NUMA1: variants seen among roughly 807,000 people sequenced by gnomAD.
NUMA1 encodes the protein SP-H antigen.
NUMA1 carries 62 observed loss-of-function variants against 237.1 expected under a neutral mutation model. The observed-to-expected ratio is 0.26, with a 90% CI of 0.21 to 0.32. NUMA1 has a LOEUF of 0.32. Ranked by LOEUF, NUMA1 falls within the 10% of genes least tolerant of loss-of-function variation. The pLI, the probability that NUMA1 is intolerant of heterozygous loss-of-function variation, is 1.00. For missense variants in NUMA1, 2,533 were observed against 2,666.5 expected (o/e 0.95, Z 1.10); for synonymous variants, 1,028 against 1,066.1 (o/e 0.96, Z 0.70).
At chr11:72,079,106 G>T (rs1012801653) in intron 1 of NUMA1, among the ~76,000 whole-genome samples, 1 of 152,156 alleles carries the variant, frequency 6.6e-6, no homozygotes, top group African/African-American at 2.4e-5. Flanking sequence ...CGAAATTCCT[G>T]TGCCCTTTCA....
chr11:72,024,529 A>G, intron 4 of NUMA1, 176 bp from the exon 5 acceptor site: 2 of 609,736 alleles, frequency 3.3e-6, no homozygotes, highest in Non-Finnish European at 5.8e-6. Flanking sequence ...ATCCAGATGG[A>G]ACTGTGTGGT....
Position 72,016,794 on chromosome 11 carries a change from T to C in NUMA1, c.1120-264A>G, listed in dbSNP as rs2298789. On this transcript the variant is annotated intron_variant, in intron 13 of 26. Transcript: ENST00000393695. ...CTGCTGAGTTTACTTCAAATTTCCT[T>C]ACCGTATACCCTTCCTCAGATAAGT... 8.4e-5 allele frequency: 36 copies of C among 429,334 alleles called. 1 individual carries two copies. The East Asian group carries it at 1.6e-3, about 19-fold the overall frequency. 26.6% of individuals were successfully genotyped at this position (429,334 alleles called of 1,614,324 possible).
intron 2 of NUMA1, among the ~76,000 whole-genome samples, chr11:72,045,241 T>C (rs1206060365): frequency 1.3e-5 from 2 of 151,686 alleles, no homozygotes; most frequent in African/African-American, 2.4e-5. Flanking sequence ...TGGTGGGTGG[T>C]TGGGATGAGG....
At chr11:72,004,917 CG>C (rs1203956364) in intron 23 of NUMA1, 101 bp from the exon 24 acceptor site, 1 of 1,194,480 alleles carries the variant, frequency 8.4e-7, no homozygotes, top group Non-Finnish European at 1.1e-6. Context: ...CACTTATGGT[CG>C]GGACCCTTCC....
intron 4 of NUMA1, among the ~76,000 whole-genome samples, chr11:72,028,439 G>A (rs1463926743): frequency 1.0e-5 from 1 of 97,658 alleles, no homozygotes; most frequent in East Asian, 3.2e-4. Context: ...ACAATCTAAT[G>A]TGCTTTTTCT....
At chr11:72,027,547 A>G (rs868353337) in intron 4 of NUMA1, among the ~76,000 whole-genome samples, 2 of 57,172 alleles carry the variant, frequency 3.5e-5, no homozygotes, top group Non-Finnish European at 9.5e-5. Flanking sequence ...AAGGATTTCT[A>G]TAAGATTAAA....
At chr11:72,054,468 CA>C (rs951277865) in intron 2 of NUMA1, among the ~76,000 whole-genome samples, 1,329 of 122,594 alleles carry the variant, frequency 0.011, 19 homozygotes, top group African/African-American at 0.031. Flanking sequence ...AACTCCATCT[CA>C]AAAAAAAAAA....
Position 72,019,509 on chromosome 11 carries a change from G to A in NUMA1, c.569C>T (p.Ser190Phe), listed in dbSNP as rs370357335. The A allele has an allele frequency of 3.1e-6, 5 of 1,613,576 alleles. No individual in the cohort carries two copies. Among genetic ancestry groups the A allele is most frequent in the African/African-American group, 1.3e-5 (1 of 75,058 alleles). ...RFLELQKVAS[S>F]SSGNNFLSGS... ...CAGAACATACTTGTTCCCACTGGAA[G>A]AGGAGGCAACCTTCTGTAGCTCTAG... The change falls in exon 9 of 27, where the codon TCT (serine) becomes TTT (phenylalanine). Residue 190 changes from serine to phenylalanine, a missense_variant. This residue lies in a region of NUMA1 where 1,414 missense variants were observed against 1,508.1 expected (regional missense o/e 0.94). Transcript: ENST00000393695.
chr11:72,049,560 AATATAT>A (rs1555034472), intron 2 of NUMA1: 1 of 41,016 alleles, frequency 2.4e-5, no homozygotes, highest in African/African-American at 8.4e-5. Flanking sequence ...AAATAATAAT[AATATAT>A]ATATATATAT....
At chr11:72,075,183 T>C (rs574122951) in intron 1 of NUMA1, among the ~76,000 whole-genome samples, 34 of 152,274 alleles carry the variant, frequency 2.2e-4, no homozygotes, top group African/African-American at 7.7e-4. Context: ...TGCCAGCTAT[T>C]AAGGTATTGT....
chr11:72,012,521 A>G, intron 15 of NUMA1, 79 bp from the exon 16 acceptor site: 1 of 1,357,222 alleles, frequency 7.4e-7, no homozygotes, highest in Non-Finnish European at 1.0e-6. Flanking sequence ...GGCTGACCTC[A>G]CTGAGGCTCT....
rs1207584758 is a variant in NUMA1, at chr11:72,016,031, G to A, written c.1472C>T (p.Ala491Val). Residue 491 changes from alanine to valine, a missense_variant, in exon 15 of 27, where the codon GCT becomes GTT. By Grantham distance (64) the Ala-to-Val change is moderately conservative. Coordinates refer to ENST00000393695, the MANE Select transcript of NUMA1 (RefSeq NM_006185.4). Reference protein sequence around the residue: ...AKEELEQASQAHGARLTAQVA... With the variant: ...AKEELEQASQVHGARLTAQVA... ...CTGGGCAGTCAACCGGGCCCCATGA[G>A]CCTGGGAGGCCTGCTCCAGCTCTTC... The A allele has an allele frequency of 1.9e-6, 3 of 1,613,872 alleles. No homozygotes were observed. Among genetic ancestry groups the A allele is most frequent in the Admixed American group, 1.7e-5 (1 of 59,992 alleles).
intron 15 of NUMA1, 88 bp downstream of exon 15, chr11:72,012,807 G>A: frequency 3.9e-6 from 6 of 1,522,328 alleles, no homozygotes; most frequent in Non-Finnish European, 5.3e-6. Flanking sequence ...CTCCAGTGTA[G>A]GAGCTAGAGG....
intron 1 of NUMA1, among the ~76,000 whole-genome samples, chr11:72,073,590 T>A (rs1943566906): frequency 6.6e-6 from 1 of 152,180 alleles, no homozygotes; most frequent in Non-Finnish European, 1.5e-5. Context: ...GAAAACTTTT[T>A]TCAAATATAC....
intron 2 of NUMA1, among the ~76,000 whole-genome samples, chr11:72,045,780 C>G (rs565798828): frequency 6.6e-6 from 1 of 152,220 alleles, no homozygotes; most frequent in East Asian, 1.9e-4. Context: ...ACAGGCCTGG[C>G]CAAACTTAAT....
At chr11:72,075,085 C>CA (rs1278791673) in intron 1 of NUMA1, among the ~76,000 whole-genome samples, 3 of 148,646 alleles carry the variant, frequency 2.0e-5, no homozygotes, top group Non-Finnish European at 4.4e-5. Flanking sequence ...ATATACAATA[C>CA]AAAAAACAGA....
intron 8 of NUMA1, 71 bp downstream of exon 8, chr11:72,021,133 T>G (rs553890551): frequency 3.1e-6 from 4 of 1,276,360 alleles, no homozygotes; most frequent in Non-Finnish European, 3.4e-6. Context: ...CCCACCATAC[T>G]TGACAACTCA....
intron 2 of NUMA1, among the ~76,000 whole-genome samples, chr11:72,060,683 A>G (rs1223772187): frequency 6.6e-6 from 1 of 152,188 alleles, no homozygotes; most frequent in Non-Finnish European, 1.5e-5. Context: ...ACAAGAGTTA[A>G]AAACTAAAGA....
Position 72,013,138 on chromosome 11 carries a change from A to C in NUMA1, c.4365T>G (p.Gly1455=), listed in dbSNP as rs1590894575. 6.2e-7 allele frequency: 1 copy of C among 1,613,968 alleles called. No individual in the cohort carries two copies. The highest frequency in any genetic ancestry group is 1.1e-5 in the South Asian group (1 of 91,078). ...ACTGCCGGCCAAGGTTGGCCCGCTC[A>C]CCCAGCCCCCGGTTCTCCTCTGCCA... is the stretch of plus-strand genomic sequence containing the variant. ...GLLAEENRGL[G]ERANLGRQFL... Residue 1455 remains glycine (G), a synonymous_variant, in exon 15 of 27, where the codon GGT becomes GGG. Coordinates refer to ENST00000393695, the MANE Select transcript of NUMA1 (RefSeq NM_006185.4). The surrounding 1 kb of genome is among the most constrained non-coding windows in gnomAD (Gnocchi z 6.8).
Sources: gnomAD v4.1 joint callset for allele counts (sites outside exome capture counted in the v4.1 genomes callset) on GRCh38, gnomAD v4.1.1 for gene constraint, gnomAD v4.1.1 regional missense constraint, Gnocchi (gnomAD v3.1) non-coding constraint, MANE v1.5 for transcripts, NCBI Gene and HGNC (gene_info 2026-07-23, HGNC 2026-07-21) for gene names.